Variants in ARAP1 observed in about 807,000 individuals in gnomAD.
The protein encoded by ARAP1 is ArfGAP with RhoGAP domain, ankyrin repeat and PH domain 1, also known as arf-GAP with Rho-GAP domain, ANK repeat and PH domain-containing protein 1.
Under a neutral mutation model 172.2 loss-of-function variants are expected in ARAP1, and 76 were observed. The ratio of observed to expected loss-of-function variants is 0.44; its 90% CI spans 0.37 to 0.53. ARAP1 has a LOEUF of 0.53. ARAP1 is among the 20% of genes least tolerant of loss of function. ARAP1 has a pLI of 0.00. For missense variants in ARAP1, 1,686 were observed against 1,977.5 expected (o/e 0.85, Z 2.80); for synonymous variants, 804 against 803.3 (o/e 1.00, Z -0.01).
At position 72,699,180 on chromosome 11, in the gene ARAP1, C is replaced by A; in HGVS notation, c.2439-73G>T. The stretch of plus-strand genomic sequence containing the variant: ...CCCACCCCCAACCCGCACCATCAAC[C>A]GCCATCCTCTGCCCCCTCCGCACTG... On this transcript the variant is annotated intron_variant, in intron 17 of 34. Transcript: ENST00000393609. The surrounding 1 kb of genome is among the most constrained non-coding windows in gnomAD (Gnocchi z 4.2). The A allele has an allele frequency of 6.6e-7, 1 of 1,523,294 alleles. No individual in the cohort carries two copies. The highest frequency in any genetic ancestry group is 9.1e-7 in the Non-Finnish European group (1 of 1,102,236). The allele number at this position is 1,523,294 out of a possible 1,614,324, so 94.4% of individuals were successfully genotyped here.
chr11:72,726,738 T>C lies in ARAP1; in HGVS notation c.391A>G (p.Thr131Ala). 1 of 1,286,256 alleles carries C rather than the reference T, an allele frequency of 7.8e-7. No homozygotes were observed. Among genetic ancestry groups the C allele is most frequent in the African/African-American group, 2.2e-5 (1 of 45,842 alleles). The allele number at this position is 1,286,256 out of a possible 1,614,324, so 79.7% of individuals were successfully genotyped here. A position where few individuals can be genotyped will look rare whatever the true frequency, so the allele number is the denominator to read the frequency against. Residue 131 changes from threonine (T) to alanine (A), a missense_variant, in exon 3 of 35, where the codon ACC (threonine) becomes GCC (alanine). By Grantham distance (58) the Thr-to-Ala change is moderately conservative. This residue lies in a region of ARAP1 where 190 missense variants were observed against 228.6 expected (regional missense o/e 0.83). Transcript: ENST00000393609. The surrounding 1 kb of genome is among the most constrained non-coding windows in gnomAD (Gnocchi z 6.5). ...RSCLPPTCFT[T>A]PSTAAPDPVL... ...GGGTCTGGGGCAGCTGTGGATGGGG[T>C]GGTGAAGCAGGTGGGCGGAAGGCAG...
At chr11:72,732,081 G>A (rs2135578527) in intron 2 of ARAP1, among the ~76,000 whole-genome samples, 1 of 152,206 alleles carries the variant, frequency 6.6e-6, no homozygotes, top group South Asian at 2.1e-4. Flanking sequence ...GAGGGGAATT[G>A]ACAGCTGGGA....
chr11:72,699,294 C>T lies in ARAP1; in HGVS notation c.2438+123G>A. ...CAAGAGACTGGAGTCGGCCCTTGTG[C>T]AGCCTCCGTTTGCTGTGTGACTCTG... On this transcript the variant is annotated intron_variant, in intron 17 of 34. Coordinates refer to ENST00000393609, the MANE Select transcript of ARAP1 (RefSeq NM_001040118.3). The surrounding 1 kb of genome is among the most constrained non-coding windows in gnomAD (Gnocchi z 4.2). 1 of 1,487,448 alleles carries T rather than the reference C, an allele frequency of 6.7e-7. No homozygotes were observed. The highest frequency in any genetic ancestry group is 9.1e-7 in the Non-Finnish European group (1 of 1,098,590). 92.1% of individuals were successfully genotyped at this position (1,487,448 alleles called of 1,614,324 possible). A position where few individuals can be genotyped will look rare whatever the true frequency, so the allele number is the denominator to read the frequency against.
At chr11:72,719,138 C>A (rs931960483) in intron 3 of ARAP1, among the ~76,000 whole-genome samples, 11 of 152,178 alleles carry the variant, frequency 7.2e-5, no homozygotes, top group African/African-American at 2.4e-4. Context: ...CACAGCCGAG[C>A]AAACAAGGCC....
intron 10 of ARAP1, 22 bp from the exon 11 acceptor site, chr11:72,709,998 A>G (rs1041215460): frequency 6.2e-7 from 1 of 1,603,928 alleles, no homozygotes; most frequent in African/African-American, 1.3e-5. Context: ...ATGGGACGGG[A>G]TGAGGGCAAG....
chr11:72,703,143 CG>C, intron 14 of ARAP1, 64 bp from the exon 15 acceptor site: 1 of 1,442,838 alleles, frequency 6.9e-7, no homozygotes. Flanking sequence ...AAAGGGGCTA[CG>C]GGGGAGGAGA....
chr11:72,710,115 G>C lies in ARAP1; in HGVS notation c.1417-139C>G. On this transcript the variant is annotated intron_variant, in intron 10 of 34. Transcript: ENST00000393609. This position sits in a 1 kb window ranked among gnomAD's most constrained non-coding sequence, Gnocchi z 4.3. ...GAGGGAGACAGCAGGGGACATGGGA[G>C]GCTGGGCAGGGTAAGGGGCTGCAGG... is the stretch of plus-strand genomic sequence containing the variant. The C allele has an allele frequency of 2.4e-6, 2 of 831,602 alleles. No individual in the cohort carries two copies. The highest frequency in any genetic ancestry group is 4.0e-6 in the Non-Finnish European group (2 of 502,808). The allele number at this position is 831,602 out of a possible 1,614,324, so 51.5% of individuals were successfully genotyped here.
chr11:72,701,177 C>T (rs1043750917), intron 16 of ARAP1, among the ~76,000 whole-genome samples: 5 of 151,426 alleles, frequency 3.3e-5, no homozygotes, highest in African/African-American at 9.7e-5. Context: ...TGGTAGGTGA[C>T]GACGTGTCTG....
At chr11:72,714,470 CT>C in intron 3 of ARAP1, 149 bp from the exon 4 acceptor site, 1 of 793,360 alleles carries the variant, frequency 1.3e-6, no homozygotes. Context: ...TCCTCCTCAA[CT>C]CATCTCCCAG....
rs1858210219 is a variant in ARAP1 at position 72,741,882 on chromosome 11, AAGG to A, written c.-127-9288_-127-9286del. Among the ~76,000 whole-genome samples the A allele has an allele frequency of 6.6e-6, 1 of 152,066 alleles. No homozygotes were observed. The highest frequency in any genetic ancestry group is 1.5e-5 in the Non-Finnish European group (1 of 67,982). Reference sequence around the variant, plus strand: ...TGGAAACCTAAAGCTCCTGCCCACCAAGGAGGAGGGACTTGGTGGGCTCCTCTG... The same window carrying A: ...TGGAAACCTAAAGCTCCTGCCCACCAAGGAGGGACTTGGTGGGCTCCTCTG... On this transcript the variant is annotated intron_variant, in intron 1 of 34. Transcript: ENST00000393609. The surrounding 1 kb of genome is among the most constrained non-coding windows in gnomAD (Gnocchi z 4.5).
rs368873624 is a variant in ARAP1, at chr11:72,713,864, AG to A, written c.679+287del. ...TCCATCTCAAAAAAAAAAAAAAAAA[AG>A]AAAAGCAAACCACCCAACACCATGG... On this transcript the variant is annotated intron_variant, in intron 4 of 34. Transcript: ENST00000393609. 2.6e-4 allele frequency among the ~76,000 whole-genome samples: 39 copies of A among 149,494 alleles called. No homozygotes were observed. The South Asian group carries it at 7.4e-3, about 28-fold the overall frequency.
In ARAP1 at chr11:72,692,776, G is replaced by T; in HGVS notation, c.3964C>A (p.Pro1322Thr). 6.2e-7 allele frequency: 1 copy of T among 1,613,688 alleles called. No homozygotes were observed. Among genetic ancestry groups the T allele is most frequent in the African/African-American group, 1.3e-5 (1 of 75,066 alleles). The change falls in exon 30 of 35, where the codon CCG (proline) becomes ACG (threonine). Residue 1322 changes from proline (P) to threonine (T), a missense_variant. Physicochemically the swap from Pro to Thr is conservative, Grantham distance 38. Coordinates refer to ENST00000393609, the MANE Select transcript of ARAP1 (RefSeq NM_001040118.3). Reference protein sequence around the residue: ...RLYKEVRSQRPWSGAPETSHR... With the variant: ...RLYKEVRSQRTWSGAPETSHR... ...ACGGTCTCAGGGGCCCCGCTCCACG[G>T]CCTCTGGCTCTGTTTGATAGAGGAT...
Position 72,693,399 on chromosome 11 carries a change from G to A in ARAP1, c.3880C>T (p.Leu1294=). The A allele has an allele frequency of 3.7e-6, 6 of 1,613,928 alleles. No homozygotes were observed. The highest frequency in any genetic ancestry group is 5.1e-6 in the Non-Finnish European group (6 of 1,179,858). Residue 1294 remains leucine, a synonymous_variant, in exon 29 of 35, where the codon CTG becomes TTG. Coordinates refer to ENST00000393609, the MANE Select transcript of ARAP1 (RefSeq NM_001040118.3). This position sits in a 1 kb window ranked among gnomAD's most constrained non-coding sequence, Gnocchi z 4.6. ...CGATCGTGGAAGCCACCTGAGGGCA[G>A]GCCCAGGCCCAGGAGGCTGCGGTCC... ...REDRSLLGLG[L]PSGGFHDRYF...
At chr11:72,729,211 G>A (rs946364706) in intron 2 of ARAP1, among the ~76,000 whole-genome samples, 2 of 152,134 alleles carry the variant, frequency 1.3e-5, no homozygotes, top group South Asian at 4.1e-4. Context: ...GGACAGCTGT[G>A]GAGTGCTCTC....
In ARAP1 at chr11:72,712,323, T is replaced by C. The variant is rs1424872932; in HGVS notation, c.895A>G (p.Ser299Gly). The C allele has an allele frequency of 6.4e-7, 1 of 1,553,314 alleles. No homozygotes were observed. The highest frequency in any genetic ancestry group is 1.8e-5 in the Admixed American group (1 of 54,608). ...CTGGGCAAGGACAAGCTCAGGCTGC[T>C]GGTATGCCATCCGCCACTAGCGAGA... ...EGVPNGGWHT[S>G]SLSLSLPSTI... is the part of the protein sequence containing the mutation. The change falls in exon 7 of 35, where the codon AGC becomes GGC. Residue 299 changes from serine to glycine, a missense_variant. Physicochemically the swap from Ser to Gly is moderately conservative, Grantham distance 56 (BLOSUM62 0). Coordinates refer to ENST00000393609, the MANE Select transcript of ARAP1 (RefSeq NM_001040118.3).
chr11:72,717,345 G>A (rs1408951886), intron 3 of ARAP1, among the ~76,000 whole-genome samples: 1 of 152,206 alleles, frequency 6.6e-6, no homozygotes, highest in Non-Finnish European at 1.5e-5. Context: ...AGTCCAGGGA[G>A]GTGGGGACAG....
At chr11:72,688,007 GTTT>G (rs11307815) in intron 31 of ARAP1, among the ~76,000 whole-genome samples, 1 of 150,466 alleles carries the variant, frequency 6.6e-6, no homozygotes, top group African/African-American at 2.4e-5. Flanking sequence ...TTTTGTTGTT[GTTT>G]TTTTTTTGAG....
chr11:72,691,738 G>T lies in ARAP1; in HGVS notation c.3987+1015C>A, dbSNP rs146909260. Among the ~76,000 whole-genome samples, 114 of 152,232 alleles carry T rather than the reference G, an allele frequency of 7.5e-4. 1 individual carries two copies. The highest frequency in any genetic ancestry group is 2.7e-3 in the African/African-American group (112 of 41,524). On this transcript the variant is annotated intron_variant, in intron 30 of 34. Transcript: ENST00000393609. ...GTGGTGGGTAGCTGTGGGAGCTCAG[G>T]CTAGACCACCAGGCTTGGAACCATG... is the stretch of plus-strand genomic sequence containing the variant.
At chr11:72,690,613 C>G (rs1855896565) in intron 30 of ARAP1, among the ~76,000 whole-genome samples, 2 of 152,208 alleles carry the variant, frequency 1.3e-5, no homozygotes. Flanking sequence ...CTCCTGGACT[C>G]AAGCCATCCT....
Sources: gnomAD v4.1 joint callset for allele counts (sites outside exome capture counted in the v4.1 genomes callset) on GRCh38, gnomAD v4.1.1 for gene constraint, gnomAD v4.1.1 regional missense constraint, Gnocchi (gnomAD v3.1) non-coding constraint, MANE v1.5 for transcripts, NCBI Gene and HGNC (gene_info 2026-07-23, HGNC 2026-07-21) for gene names.